WDR7: variants seen among roughly 807,000 people sequenced by gnomAD.
The protein encoded by WDR7 is WD repeat domain 7.
In WDR7, 46 loss-of-function variants were observed where a neutral mutation model predicts 169.4. That is an observed-to-expected ratio of 0.27 (90% CI 0.21 to 0.35). WDR7 has a LOEUF of 0.35. WDR7 is among the 10% of genes least tolerant of loss of function. WDR7 has a pLI of 1.00. For synonymous variants in WDR7, 612 were observed against 666.8 expected (o/e 0.92, Z 1.27); for missense variants, 1,534 against 1,859.3 (o/e 0.83, Z 3.22).
intron 5 of WDR7, among the ~76,000 whole-genome samples, chr18:56,684,521 C>T (rs1279679772): frequency 6.6e-6 from 1 of 152,178 alleles, no homozygotes; most frequent in Admixed American, 6.5e-5. Flanking sequence ...GACTCATGAG[C>T]TGTAGCTTGC....
chr18:56,983,574 G>C (rs148961748), intron 26 of WDR7, among the ~76,000 whole-genome samples: 5,573 of 30,068 alleles, frequency 0.19, 116 homozygotes, highest in Non-Finnish European at 0.23. Flanking sequence ...CACACACAGA[G>C]AGAGAGAGAG....
chr18:56,848,038 G>C (rs1310662564), intron 20 of WDR7, among the ~76,000 whole-genome samples: 1 of 152,196 alleles, frequency 6.6e-6, no homozygotes, highest in Non-Finnish European at 1.5e-5. Flanking sequence ...CAGAATGGTA[G>C]ATCCATTGGC....
At chr18:56,959,932 T>C (rs941256040) in intron 25 of WDR7, among the ~76,000 whole-genome samples, 3 of 152,150 alleles carry the variant, frequency 2.0e-5, no homozygotes, top group African/African-American at 7.2e-5. Context: ...TCAGCAGGGA[T>C]TGGTTCACTG....
intron 20 of WDR7, among the ~76,000 whole-genome samples, chr18:56,858,411 C>T (rs1386539777): frequency 6.6e-6 from 1 of 152,182 alleles, no homozygotes; most frequent in Non-Finnish European, 1.5e-5. Context: ...AATATAATCT[C>T]CTTAGCCTGG....
chr18:56,749,492 A>T (rs2043755921), intron 14 of WDR7, among the ~76,000 whole-genome samples: 4 of 151,722 alleles, frequency 2.6e-5, no homozygotes, highest in African/African-American at 4.8e-5. Flanking sequence ...ATTTTTTTTT[A>T]AATTATTAAC....
chr18:56,985,970 T>C (rs895160437), intron 26 of WDR7, among the ~76,000 whole-genome samples: 5 of 152,180 alleles, frequency 3.3e-5, no homozygotes, highest in Admixed American at 3.3e-4. Flanking sequence ...TGTTGGACAT[T>C]TTTATAGGAA....
At chr18:56,973,166 G>A (rs905112849) in intron 26 of WDR7, among the ~76,000 whole-genome samples, 11 of 152,178 alleles carry the variant, frequency 7.2e-5, no homozygotes, top group East Asian at 1.9e-4. Flanking sequence ...GCGAGCCACC[G>A]CGCCCGGCCA....
chr18:56,806,936 G>C (rs536254641), intron 19 of WDR7, among the ~76,000 whole-genome samples: 3 of 152,138 alleles, frequency 2.0e-5, no homozygotes, highest in East Asian at 3.9e-4. Flanking sequence ...CAGCCTCTCT[G>C]TTACTCAGAT....
intron 4 of WDR7, 44 bp downstream of exon 4, chr18:56,681,435 T>A: frequency 8.3e-7 from 1 of 1,201,704 alleles, no homozygotes; most frequent in Non-Finnish European, 1.1e-6. Flanking sequence ...CTATTATAAG[T>A]ATATAATTTA....
At chr18:56,724,035 T>G (rs991927586) in intron 13 of WDR7, among the ~76,000 whole-genome samples, 1 of 151,980 alleles carries the variant, frequency 6.6e-6, no homozygotes, top group Non-Finnish European at 1.5e-5. Flanking sequence ...TTTGGTACTT[T>G]AATATCTTCT....
chr18:56,995,519 G>C (rs1310594750), intron 26 of WDR7, among the ~76,000 whole-genome samples: 1 of 152,062 alleles, frequency 6.6e-6, no homozygotes, highest in East Asian at 1.9e-4. Context: ...GAGATTATTT[G>C]ACATCACAGT....
intron 14 of WDR7, among the ~76,000 whole-genome samples, chr18:56,742,587 G>A (rs969090521): frequency 2.6e-5 from 4 of 152,112 alleles, no homozygotes; most frequent in African/African-American, 7.2e-5. Flanking sequence ...AGGTCCTGGG[G>A]AACCAAATGA....
chr18:56,862,366 G>GCC (rs1157526392), intron 20 of WDR7, among the ~76,000 whole-genome samples: 2 of 151,272 alleles, frequency 1.3e-5, no homozygotes, highest in African/African-American at 2.4e-5. Context: ...GTATTTAAAA[G>GCC]TTTGTGATAA....
chr18:56,832,104 C>G (rs1314506519), intron 20 of WDR7, among the ~76,000 whole-genome samples: 1 of 152,212 alleles, frequency 6.6e-6, no homozygotes, highest in East Asian at 1.9e-4. Context: ...GAAATTCTCA[C>G]TGCCAGCACA....
chr18:56,698,196 A>T (rs1302249186), intron 12 of WDR7, among the ~76,000 whole-genome samples: 1 of 149,542 alleles, frequency 6.7e-6, no homozygotes, highest in East Asian at 1.9e-4. Flanking sequence ...ACGCTGTTTA[A>T]AAAAAAAAAA....
At chr18:56,999,246 C>T (rs2047941126) in intron 26 of WDR7, among the ~76,000 whole-genome samples, 1 of 152,054 alleles carries the variant, frequency 6.6e-6, no homozygotes, top group Non-Finnish European at 1.5e-5. Flanking sequence ...TTTCTTTGTA[C>T]TGTGTGTGTT....
At chr18:56,855,320 A>G (rs1292729971) in intron 20 of WDR7, among the ~76,000 whole-genome samples, 1 of 152,030 alleles carries the variant, frequency 6.6e-6, no homozygotes, top group Admixed American at 6.6e-5. Flanking sequence ...AGTTATATAT[A>G]TGATAAGTAT....
At chr18:56,694,502 CT>C (rs1478377624) in intron 9 of WDR7, 116 bp from the exon 10 acceptor site, 5 of 979,640 alleles carry the variant, frequency 5.1e-6, no homozygotes, top group Non-Finnish European at 5.9e-6. Flanking sequence ...GCTATAAACA[CT>C]TTTTCAACTT....
chr18:56,740,808 A>G (rs961538379), intron 14 of WDR7, among the ~76,000 whole-genome samples: 4 of 152,136 alleles, frequency 2.6e-5, no homozygotes, highest in Non-Finnish European at 4.4e-5. Flanking sequence ...GTCTCCCCAC[A>G]CAGCTTCAGT....
Sources: gnomAD v4.1 joint callset for allele counts (sites outside exome capture counted in the v4.1 genomes callset) on GRCh38, gnomAD v4.1.1 for gene constraint, MANE v1.5 for transcripts, NCBI Gene and HGNC (gene_info 2026-07-23, HGNC 2026-07-21) for gene names.